The following ABI1 variants were observed in gnomAD, a reference collection of about 807,000 sequenced individuals.
The protein encoded by ABI1 is abl interactor 1, also known as Abelson interactor 1.
In ABI1, 14 loss-of-function variants were observed where a neutral mutation model predicts 54.6. That is an observed-to-expected ratio of 0.26 (90% CI 0.17 to 0.40). ABI1 has a LOEUF of 0.40. Among genes scored for constraint, ABI1 ranks in the 10% least tolerant of loss-of-function variants. The pLI is 1.00. For missense variants in ABI1, 443 were observed against 598.3 expected, an observed-to-expected ratio of 0.74 and a Z score of 2.71; for synonymous variants, 194 against 209.3, an observed-to-expected ratio of 0.93 and a Z score of 0.63.
chr10:26,766,470 T>G (rs541444760), intron 6 of ABI1, among the ~76,000 whole-genome samples: 6 of 152,348 alleles, frequency 3.9e-5, no homozygotes, highest in South Asian at 4.1e-4. Context: ...GGGCAAAGAT[T>G]TGCAATGCCT....
At chr10:26,748,969 A>G (rs912357213) in intron 10 of ABI1, among the ~76,000 whole-genome samples, 1 of 152,222 alleles carries the variant, frequency 6.6e-6, no homozygotes. Context: ...GAATACATCA[A>G]TAGGTTCTGT....
intron 1 of ABI1, among the ~76,000 whole-genome samples, chr10:26,831,410 G>A (rs1054613036): frequency 1.5e-4 from 23 of 152,138 alleles, no homozygotes; most frequent in African/African-American, 5.1e-4. Context: ...AGGAGTGGTC[G>A]CAGGCACCTG....
At chr10:26,804,642 A>T (rs1298065273) in intron 2 of ABI1, among the ~76,000 whole-genome samples, 1 of 152,254 alleles carries the variant, frequency 6.6e-6, no homozygotes, top group African/African-American at 2.4e-5. Flanking sequence ...AACACTATGT[A>T]AAGGTAAATG....
At chr10:26,798,369 G>T (rs1420187934) in intron 2 of ABI1, among the ~76,000 whole-genome samples, 1 of 151,974 alleles carries the variant, frequency 6.6e-6, no homozygotes, top group African/African-American at 2.4e-5. Flanking sequence ...GAGGCCAGAG[G>T]GTCAGTACTG....
chr10:26,812,613 T>C (rs1472591616), intron 2 of ABI1, among the ~76,000 whole-genome samples: 2 of 152,146 alleles, frequency 1.3e-5, no homozygotes, highest in Admixed American at 1.3e-4. Context: ...GTACCACAGG[T>C]AAGTGGCTAG....
intron 1 of ABI1, among the ~76,000 whole-genome samples, chr10:26,841,512 A>T (rs7076986): frequency 0.26 from 38,740 of 151,302 alleles, 5,611 homozygotes; most frequent in South Asian, 0.44. Context: ...CTTATTAGCT[A>T]CATGTTACAC....
chr10:26,789,358 T>G (rs1040527760), intron 2 of ABI1, among the ~76,000 whole-genome samples: 2 of 152,176 alleles, frequency 1.3e-5, no homozygotes, highest in African/African-American at 4.8e-5. Context: ...AAAATGAACA[T>G]GTACAGGGGG....
chr10:26,857,643 CAAA>C lies in ABI1; in HGVS notation c.117+3101_117+3103del, dbSNP rs372472533. Among the ~76,000 whole-genome samples the C allele has an allele frequency of 7.8e-3, 661 of 84,474 alleles. 8 individuals carry two copies. The highest frequency in any genetic ancestry group is 0.039 in the East Asian group (132 of 3,358). The allele number at this position is 84,474 out of a possible 152,430, so 55.4% of individuals were successfully genotyped here. A position where few individuals can be genotyped will look rare whatever the true frequency, so the allele number is the denominator to read the frequency against. On this transcript the variant is annotated intron_variant, in intron 1 of 10. Coordinates refer to ENST00000376140, the MANE Select transcript of ABI1 (RefSeq NM_001012750.3). ...TGAGCAACAGAGCAAGACTGTGTCT[CAAA>C]AAAAAAAAAAAAAAAACTTTCTATT...
chr10:26,817,930 C>G (rs1412545426), intron 2 of ABI1, among the ~76,000 whole-genome samples: 2 of 151,386 alleles, frequency 1.3e-5, no homozygotes, highest in Non-Finnish European at 2.9e-5. Context: ...CCGAGGCAGG[C>G]AGATCACTTG....
intron 2 of ABI1, among the ~76,000 whole-genome samples, chr10:26,806,684 A>T (rs1235326429): frequency 6.6e-6 from 1 of 152,236 alleles, no homozygotes; most frequent in Admixed American, 6.5e-5. Flanking sequence ...AGATAGTTAG[A>T]ATGGTTTCTA....
At position 26,748,866 on chromosome 10, in the gene ABI1, T is replaced by A. The variant is rs1028062746; in HGVS notation, c.1271-121A>T. The A allele has an allele frequency of 2.3e-5, 17 of 750,422 alleles. No individual in the cohort carries two copies. In the Admixed American group the frequency reaches 4.4e-4, roughly 20 times the overall value. 46.5% of individuals were successfully genotyped at this position (750,422 alleles called of 1,614,324 possible). ...AACTATTTTTATGAAGATTTCTTAA[T>A]TTTTGTATCTATCAATATAAGTAGG... On this transcript the variant is annotated intron_variant, in intron 10 of 10. Coordinates refer to ENST00000376140, the MANE Select transcript of ABI1 (RefSeq NM_001012750.3).
chr10:26,768,720 T>C, intron 6 of ABI1, 132 bp downstream of exon 6: 1 of 711,098 alleles, frequency 1.4e-6, no homozygotes, highest in Non-Finnish European at 2.3e-6. Flanking sequence ...TATAATATTA[T>C]TCCCCCAACT....
chr10:26,817,393 T>C (rs1564535785), intron 2 of ABI1, among the ~76,000 whole-genome samples: 1 of 152,302 alleles, frequency 6.6e-6, no homozygotes, highest in East Asian at 1.9e-4. Flanking sequence ...CACTAGATTC[T>C]GTTCTACAAA....
intron 3 of ABI1, among the ~76,000 whole-genome samples, chr10:26,771,310 C>T (rs116769278): frequency 4.3e-4 from 66 of 152,198 alleles, no homozygotes; most frequent in African/African-American, 1.5e-3. Context: ...ATAAGGAAAC[C>T]ACCACTTAAT....
intron 1 of ABI1, among the ~76,000 whole-genome samples, chr10:26,834,047 T>C (rs1222117951): frequency 6.6e-6 from 1 of 151,924 alleles, no homozygotes; most frequent in Non-Finnish European, 1.5e-5. Flanking sequence ...CTGGCCAACA[T>C]GGTGAAACCC....
At chr10:26,852,671 C>T (rs1049373533) in intron 1 of ABI1, among the ~76,000 whole-genome samples, 11 of 151,948 alleles carry the variant, frequency 7.2e-5, no homozygotes, top group African/African-American at 2.2e-4. Flanking sequence ...TAAAATGTAC[C>T]AAATACAATT....
chr10:26,818,158 CAAAAAAAAAAAAAAAAAAAAAAA>C (rs397696005), intron 2 of ABI1, among the ~76,000 whole-genome samples: 2 of 45,442 alleles, frequency 4.4e-5, no homozygotes, highest in South Asian at 6.3e-4. Context: ...GACTCCATCT[CAAAAAAAAAAAAAAAAAAAAAAA>C]AAAAAAAAAA....
intron 2 of ABI1, among the ~76,000 whole-genome samples, chr10:26,806,059 T>C (rs917578254): frequency 1.3e-5 from 2 of 152,236 alleles, no homozygotes; most frequent in East Asian, 3.8e-4. Flanking sequence ...AATGCATCTA[T>C]ACTCCGTATC....
rs192065588 is a variant in ABI1 at position 26,749,012 on chromosome 10, A to C, written c.1271-267T>G. Among the ~76,000 whole-genome samples the C allele has an allele frequency of 1.6e-3, 246 of 152,300 alleles. 2 individuals carry two copies. In the Middle Eastern group the frequency reaches 0.02, roughly 13 times the overall value. On this transcript the variant is annotated intron_variant, in intron 10 of 10. Transcript: ENST00000376140. ...TTTAAGAAAGCTCTCTGAATTTTAGAATTTATTAGATGTTTCAATTCATTC... is the reference window on the plus strand; with the variant it reads ...TTTAAGAAAGCTCTCTGAATTTTAGCATTTATTAGATGTTTCAATTCATTC...
Sources: allele counts gnomAD v4.1 joint callset (sites outside exome capture counted in the v4.1 genomes callset), GRCh38; gene constraint gnomAD v4.1.1; transcripts MANE v1.5; gene names NCBI Gene and HGNC (gene_info 2026-07-23, HGNC 2026-07-21).